The following SPACA9 variants were observed in gnomAD, a reference collection of about 807,000 sequenced individuals.
SPACA9 encodes sperm acrosome-associated protein 9.
SPACA9 carries 14 observed loss-of-function variants against 12.5 expected under a neutral mutation model. The ratio of observed to expected loss-of-function variants is 1.12; its 90% confidence interval spans 0.74 to 1.75. SPACA9 has a LOEUF of 1.75. Ranked by LOEUF, SPACA9 falls within the 40% of genes most tolerant of loss-of-function variation. The pLI is 0.00. For missense variants in SPACA9, 292 were observed against 291.9 expected, an observed-to-expected ratio of 1.00 and a Z score of 0.00; for synonymous variants, 111 against 114.1, an observed-to-expected ratio of 0.97 and a Z score of 0.17.
chr9:132,882,659 G>A (rs1844459839), intron 1 of SPACA9, among the ~76,000 whole-genome samples: 1 of 152,046 alleles, frequency 6.6e-6, no homozygotes, highest in African/African-American at 2.4e-5. Flanking sequence ...CTGCTTGGAA[G>A]CTTGGAATGT....
Position 132,889,974 on chromosome 9 carries a change from G to T in SPACA9, c.*1363G>T, listed in dbSNP as rs370597904. 71 of 1,517,652 alleles carry T rather than the reference G, an allele frequency of 4.7e-5. No homozygotes were observed. Among genetic ancestry groups the T allele is most frequent in the Non-Finnish European group, 5.9e-5 (67 of 1,126,826 alleles). The allele number at this position is 1,517,652 out of a possible 1,614,324, so 94.0% of individuals were successfully genotyped here. A position where few individuals can be genotyped will look rare whatever the true frequency, so the allele number is the denominator to read the frequency against. On this transcript the variant is annotated 3_prime_UTR_variant, in exon 4 of 4. Coordinates refer to ENST00000356311, the MANE Select transcript of SPACA9 (RefSeq NM_001316897.2). ...CTTCACAGGGGACGACTTAGCTTCT[G>T]TATTATTGTTGCTTCCTCAGGGGGA...
chr9:132,887,452 G>C lies in SPACA9; in HGVS notation c.228G>C (p.Leu76=), dbSNP rs750333522. 17 of 1,613,364 alleles carry C rather than the reference G, an allele frequency of 1.1e-5. No individual in the cohort carries two copies. The Admixed American group carries it at 2.3e-4, about 22-fold the overall frequency. The change falls in exon 3 of 4, where the codon CTG becomes CTC. Residue 76 remains leucine (L), a synonymous_variant. Transcript: ENST00000356311. The surrounding 1 kb of genome is among the most constrained non-coding windows in gnomAD (Gnocchi z 5.4). ...TGTTCCTGGACATCTGTTCAGAGCT[G>C]AATAAGCTCTGCCAGCACTTTGAGG... The part of the protein sequence containing the change: ...LLMFLDICSE[L]NKLCQHFEAV...
intron 2 of SPACA9, among the ~76,000 whole-genome samples, chr9:132,884,747 C>T (rs113153940): frequency 6.6e-6 from 1 of 152,166 alleles, no homozygotes; most frequent in African/African-American, 2.4e-5. Flanking sequence ...TGGGAACAGG[C>T]GCAGGGCTCA....
chr9:132,878,375 A>G (rs970074739), upstream of SPACA9: 1 of 1,245,214 alleles, frequency 8.0e-7, no homozygotes. This position sits in a 1 kb window ranked among gnomAD's most constrained non-coding sequence, Gnocchi z 4.7. Flanking sequence ...CAGATACCCG[A>G]TCCTCGGTCG....
chr9:132,886,602 C>T (rs553438508), intron 2 of SPACA9, among the ~76,000 whole-genome samples: 9 of 152,288 alleles, frequency 5.9e-5, no homozygotes, highest in African/African-American at 2.2e-4. Context: ...CCACTGGTGC[C>T]CTGGGCGGGT....
At chr9:132,886,427 A>G (rs551548009) in intron 2 of SPACA9, among the ~76,000 whole-genome samples, 173 of 152,316 alleles carry the variant, frequency 1.1e-3, no homozygotes, top group Non-Finnish European at 1.8e-3. Context: ...TGGGTGGCCC[A>G]CGCTGGAATT....
rs1361863055 is a variant in SPACA9, at chr9:132,888,217, G to A, written c.348-73G>A. On this transcript the variant is annotated intron_variant, in intron 3 of 3. Transcript: ENST00000356311. The surrounding 1 kb of genome is among the most constrained non-coding windows in gnomAD (Gnocchi z 5.0). ...CCCAGGTGACTCTGCTGTGCCTGAG[G>A]TGTGGCAGCTGCTTGCCACGGCATG... is the stretch of plus-strand genomic sequence containing the variant. 1.3e-6 allele frequency: 2 copies of A among 1,547,528 alleles called. No homozygotes were observed. The highest frequency in any genetic ancestry group is 2.7e-5 in the African/African-American group (2 of 73,082).
chr9:132,878,613 T>G, upstream of SPACA9: 2 of 1,069,806 alleles, frequency 1.9e-6, no homozygotes, highest in Non-Finnish European at 1.1e-6. This position sits in a 1 kb window ranked among gnomAD's most constrained non-coding sequence, Gnocchi z 4.7. Flanking sequence ...GTTCTGTCAG[T>G]GCTCCCCGGC....
chr9:132,879,983 T>C (rs553090868), intron 1 of SPACA9, among the ~76,000 whole-genome samples: 1 of 152,318 alleles, frequency 6.6e-6, no homozygotes, highest in South Asian at 2.1e-4. Context: ...AACCGCTTCC[T>C]CAAAGTGTGT....
At chr9:132,890,145 C>T, downstream of SPACA9, 1 of 613,806 alleles carries the variant, frequency 1.6e-6, no homozygotes. Context: ...AGAGAGGCCA[C>T]CCTAGGCAAG....
chr9:132,881,895 C>T (rs1042508491), intron 1 of SPACA9, among the ~76,000 whole-genome samples: 4 of 152,224 alleles, frequency 2.6e-5, no homozygotes, highest in Non-Finnish European at 4.4e-5. Context: ...GTGTCTCCCT[C>T]ACCTCACCCT....
Position 132,887,634 on chromosome 9 carries a change from C to A in SPACA9, c.347+63C>A. The stretch of plus-strand genomic sequence containing the variant: ...TGCCTGTGGGGAGGCCTCTGTCCTG[C>A]TTCTTTCCTGTTGCCTGGATCATGG... On this transcript the variant is annotated intron_variant, in intron 3 of 3. Transcript: ENST00000356311. This position sits in a 1 kb window ranked among gnomAD's most constrained non-coding sequence, Gnocchi z 5.4. 1.4e-6 allele frequency: 2 copies of A among 1,426,238 alleles called. No individual in the cohort carries two copies. Among genetic ancestry groups the A allele is most frequent in the Non-Finnish European group, 2.0e-6 (2 of 1,016,626 alleles). The allele number at this position is 1,426,238 out of a possible 1,614,324, so 88.3% of individuals were successfully genotyped here. A position where few individuals can be genotyped will look rare whatever the true frequency, so the allele number is the denominator to read the frequency against.
In SPACA9 at chr9:132,887,538, G is replaced by A. The variant is rs758953953; in HGVS notation, c.314G>A (p.Ser105Asn). The A allele has an allele frequency of 6.2e-7, 1 of 1,614,086 alleles. No homozygotes were observed. Among genetic ancestry groups the A allele is most frequent in the South Asian group, 1.1e-5 (1 of 91,078 alleles). Residue 105 changes from serine to asparagine, a missense_variant, in exon 3 of 4, where the codon AGC becomes AAC. Transcript: ENST00000356311. The surrounding 1 kb of genome is among the most constrained non-coding windows in gnomAD (Gnocchi z 5.4). ...NLLEKCKTLV[S>N]QSNDLSSLRA... The stretch of plus-strand genomic sequence containing the variant: ...CTGGAGAAATGCAAAACCCTCGTTA[G>A]CCAAAGCAACGACTTAAGCAGCCTC...
At position 132,888,484 on chromosome 9, in the gene SPACA9, G is replaced by C. The variant is rs560792232; in HGVS notation, c.542G>C (p.Arg181Pro). 2.9e-5 allele frequency: 46 copies of C among 1,606,408 alleles called. No homozygotes were observed. The highest frequency in any genetic ancestry group is 3.9e-5 in the Non-Finnish European group (46 of 1,176,964). Residue 181 changes from arginine to proline, a missense_variant, in exon 4 of 4, where the codon CGT becomes CCT. Coordinates refer to ENST00000356311, the MANE Select transcript of SPACA9 (RefSeq NM_001316897.2). This position sits in a 1 kb window ranked among gnomAD's most constrained non-coding sequence, Gnocchi z 5.0. ...AHQESTRGAARPAQAIGTQPR... is the reference protein window; with the variant it reads ...AHQESTRGAAPPAQAIGTQPR... The stretch of plus-strand genomic sequence containing the variant: ...CAGGAGAGCACCAGGGGAGCCGCTC[G>C]TCCTGCCCAGGCCATAGGGACCCAG...
At position 132,889,986 on chromosome 9, in the gene SPACA9, C is replaced by G. The variant is rs762063436; in HGVS notation, c.*1375C>G. On this transcript the variant is annotated 3_prime_UTR_variant, in exon 4 of 4. Coordinates refer to ENST00000356311, the MANE Select transcript of SPACA9 (RefSeq NM_001316897.2). ...CGACTTAGCTTCTGTATTATTGTTGCTTCCTCAGGGGGAGACAGTCAAGAA... is the reference window on the plus strand; with the variant it reads ...CGACTTAGCTTCTGTATTATTGTTGGTTCCTCAGGGGGAGACAGTCAAGAA... The G allele has an allele frequency of 1.3e-6, 2 of 1,511,974 alleles. No individual in the cohort carries two copies. Among genetic ancestry groups the G allele is most frequent in the South Asian group, 2.7e-5 (2 of 74,600 alleles). 93.7% of individuals were successfully genotyped at this position (1,511,974 alleles called of 1,614,324 possible). A position where few individuals can be genotyped will look rare whatever the true frequency, so the allele number is the denominator to read the frequency against.
In SPACA9 at chr9:132,889,928, T is replaced by C. The variant is rs755036539; in HGVS notation, c.*1317T>C. 1.4e-6 allele frequency: 2 copies of C among 1,478,654 alleles called. No individual in the cohort carries two copies. Among genetic ancestry groups the C allele is most frequent in the South Asian group, 2.9e-5 (2 of 68,566 alleles). 91.6% of individuals were successfully genotyped at this position (1,478,654 alleles called of 1,614,324 possible). ...TGGCTTCTGAGCTTGCCCAAAGTAA[T>C]GTCTGACTGTTGGTTTTTCCCTTCA... On this transcript the variant is annotated 3_prime_UTR_variant, in exon 4 of 4. Transcript: ENST00000356311.
At position 132,887,598 on chromosome 9, in the gene SPACA9, G is replaced by A; in HGVS notation, c.347+27G>A. 1 of 1,598,804 alleles carries A rather than the reference G, an allele frequency of 6.3e-7. No homozygotes were observed. The highest frequency in any genetic ancestry group is 8.6e-7 in the Non-Finnish European group (1 of 1,167,072). On this transcript the variant is annotated intron_variant, in intron 3 of 3. Transcript: ENST00000356311. This position sits in a 1 kb window ranked among gnomAD's most constrained non-coding sequence, Gnocchi z 5.4. The stretch of plus-strand genomic sequence containing the variant: ...TAAGTCCCTCTGATGCTGCTCTTGA[G>A]GCCCCGTGTGTGCCTGTGGGGAGGC...
At chr9:132,881,294 GAAGA>G (rs1564456148) in intron 1 of SPACA9, among the ~76,000 whole-genome samples, 3 of 123,408 alleles carry the variant, frequency 2.4e-5, no homozygotes, top group South Asian at 5.4e-4. Flanking sequence ...AGAAAAAAAA[GAAGA>G]AAAAAAAAAA....
rs1278849455 is a variant in SPACA9 at position 132,887,230 on chromosome 9, C to G, written c.145-139C>G. On this transcript the variant is annotated intron_variant, in intron 2 of 3. Coordinates refer to ENST00000356311, the MANE Select transcript of SPACA9 (RefSeq NM_001316897.2). This position sits in a 1 kb window ranked among gnomAD's most constrained non-coding sequence, Gnocchi z 5.4. ...ATAGAGTGGTCTGTACCTTAAAATG[C>G]TTAAGCGTTACTTGCGTCTCCCCCA... The G allele has an allele frequency of 3.3e-5, 24 of 719,220 alleles. No homozygotes were observed. The highest frequency in any genetic ancestry group is 5.6e-5 in the Non-Finnish European group (23 of 411,982). 44.6% of individuals were successfully genotyped at this position (719,220 alleles called of 1,614,324 possible).
Sources: allele counts gnomAD v4.1 joint callset (sites outside exome capture counted in the v4.1 genomes callset), GRCh38; gene constraint gnomAD v4.1.1; non-coding constraint Gnocchi (gnomAD v3.1); transcripts MANE v1.5; gene names NCBI Gene and HGNC (gene_info 2026-07-23, HGNC 2026-07-21).